Variants in CMC1 observed in about 807,000 individuals in gnomAD.
The protein encoded by CMC1 is C-X9-C motif containing 1, also known as COX assembly mitochondrial protein homolog.
Under a neutral mutation model 14.1 loss-of-function variants are expected in CMC1, and 14 were observed. The ratio of observed to expected loss-of-function variants is 0.99; its 90% CI spans 0.66 to 1.55. CMC1 has a LOEUF of 1.55. CMC1 is among the 40% of genes most tolerant of loss of function. The pLI, the probability that CMC1 is intolerant of heterozygous loss-of-function variation, is 0.00. For synonymous variants in CMC1, 50 were observed against 38.4 expected, an observed-to-expected ratio of 1.30 and a Z score of -1.12; for missense variants, 127 against 123.8, an observed-to-expected ratio of 1.03 and a Z score of -0.12.
chr3:28,293,734 A>C (rs1368786956), intron 2 of CMC1, among the ~76,000 whole-genome samples: 1 of 152,030 alleles, frequency 6.6e-6, no homozygotes, highest in Non-Finnish European at 1.5e-5. Context: ...GATATCCACC[A>C]CCATGCCTGG....
intron 2 of CMC1, among the ~76,000 whole-genome samples, chr3:28,310,496 A>G (rs2125599186): frequency 6.6e-6 from 1 of 152,360 alleles, no homozygotes; most frequent in African/African-American, 2.4e-5. Context: ...AGTGTCTATT[A>G]TAAACACAAT....
In CMC1 at chr3:28,319,498, C is replaced by T; in HGVS notation, c.201-11C>T. On this transcript the variant is annotated splice_polypyrimidine_tract_variant and intron_variant, in intron 3 of 3. Transcript: ENST00000466830. ...TATTTACTTGAAAATATTTTCATTT[C>T]CTTCTCATAGCTATAATGATCCAGC... The T allele has an allele frequency of 6.3e-7, 1 of 1,581,180 alleles. No homozygotes were observed. Among genetic ancestry groups the T allele is most frequent in the Non-Finnish European group, 8.6e-7 (1 of 1,159,750 alleles).
intron 1 of CMC1, among the ~76,000 whole-genome samples, chr3:28,244,786 G>A (rs1157445309): frequency 6.6e-5 from 10 of 151,998 alleles, no homozygotes; most frequent in African/African-American, 2.4e-4. Flanking sequence ...CAGCTGGGTG[G>A]AAGGTCATGG....
Position 28,319,511 on chromosome 3 carries a change from A to G in CMC1, c.203A>G (p.Tyr68Cys), listed in dbSNP as rs919449323. The change falls in exon 4 of 4, where the codon TAT (tyrosine) becomes TGT (cysteine). Residue 68 changes from tyrosine (Y) to cysteine (C), a missense_variant and splice_region_variant. Transcript: ENST00000466830. ...ATATTTTCATTTCCTTCTCATAGCT[A>G]TAATGATCCAGCCTTTTATGAAGAA... ...SALKECLTAY[Y>C]NDPAFYEECK... 1 of 1,596,068 alleles carries G rather than the reference A, an allele frequency of 6.3e-7. No homozygotes were observed. The highest frequency in any genetic ancestry group is 8.6e-7 in the Non-Finnish European group (1 of 1,168,734).
chr3:28,266,957 C>A (rs1298302242), intron 2 of CMC1, among the ~76,000 whole-genome samples: 1 of 152,110 alleles, frequency 6.6e-6, no homozygotes, highest in Non-Finnish European at 1.5e-5. Context: ...ATGGCCAAAT[C>A]GCTTTCTTAC....
intron 2 of CMC1, chr3:28,291,762 A>G (rs943725296): frequency 9.9e-5 from 15 of 151,922 alleles, no homozygotes; most frequent in Admixed American, 7.2e-4. Context: ...GTGTTCTTTT[A>G]TGTACTTTCC....
intron 1 of CMC1, among the ~76,000 whole-genome samples, chr3:28,252,793 G>T (rs1369777168): frequency 2.6e-5 from 4 of 152,130 alleles, no homozygotes; most frequent in Non-Finnish European, 4.4e-5. Context: ...AGAAGCTTGG[G>T]TCATTTCACC....
At chr3:28,314,802 TTTGG>T (rs1223976832) in intron 2 of CMC1, among the ~76,000 whole-genome samples, 2 of 152,184 alleles carry the variant, frequency 1.3e-5, no homozygotes, top group Non-Finnish European at 2.9e-5. Context: ...AAATCTCATT[TTTGG>T]TTGCTTGTGG....
chr3:28,301,512 C>T (rs1030122051), intron 2 of CMC1, among the ~76,000 whole-genome samples: 1 of 152,158 alleles, frequency 6.6e-6, no homozygotes, highest in Admixed American at 6.5e-5. Flanking sequence ...TGAGCCACTG[C>T]ACTCGGCTTA....
intron 1 of CMC1, among the ~76,000 whole-genome samples, chr3:28,256,443 A>G (rs1246411324): frequency 1.3e-5 from 2 of 152,108 alleles, no homozygotes; most frequent in African/African-American, 4.8e-5. Context: ...ATCTTTGATA[A>G]TCTTCTTTAT....
At chr3:28,246,169 C>T (rs182384857) in intron 1 of CMC1, among the ~76,000 whole-genome samples, 8 of 151,222 alleles carry the variant, frequency 5.3e-5, no homozygotes, top group Admixed American at 3.9e-4. Flanking sequence ...ACATAAATTA[C>T]GTTGGTGGCT....
intron 3 of CMC1, chr3:28,318,306 A>T (rs1703035895): frequency 6.6e-6 from 1 of 151,760 alleles, no homozygotes; most frequent in Non-Finnish European, 1.5e-5. Flanking sequence ...TGATGGGCTG[A>T]TGGTAGACAA....
At chr3:28,241,929 C>T in intron 1 of CMC1, 117 bp downstream of exon 1, 2 of 1,048,800 alleles carry the variant, frequency 1.9e-6, no homozygotes, top group Non-Finnish European at 2.4e-6. Context: ...GCATTGCTTC[C>T]ACCAGCGTCT....
intron 2 of CMC1, among the ~76,000 whole-genome samples, chr3:28,299,229 G>GA (rs1701898142): frequency 6.6e-6 from 1 of 152,056 alleles, no homozygotes; most frequent in South Asian, 2.1e-4. Context: ...GAGTAGAATA[G>GA]AAAATCTACT....
chr3:28,253,606 A>T, intron 1 of CMC1: 4 of 435,202 alleles, frequency 9.2e-6, no homozygotes, highest in African/African-American at 2.1e-5. Context: ...AAACCAAAAA[A>T]CCCCCCAAAA....
Position 28,300,710 on chromosome 3 carries a change from C to CTTTCCCT in CMC1, c.110-15623_110-15622insTTTCCCT, listed in dbSNP as rs1559436596. On this transcript the variant is annotated intron_variant, in intron 2 of 3. Coordinates refer to ENST00000466830, the MANE Select transcript of CMC1 (RefSeq NM_182523.2). Reference sequence around the variant, plus strand: ...TTCCCTCCCTTTCCCTCCCTCTCACCCTCCCTCCTTCCTCCCTCTCTCCCT... The same window carrying CTTTCCCT: ...TTCCCTCCCTTTCCCTCCCTCTCACCTTTCCCTCTCCCTCCTTCCTCCCTCTCTCCCT... Among the ~76,000 whole-genome samples, 115 of 49,728 alleles carry CTTTCCCT rather than the reference C, an allele frequency of 2.3e-3. 3 individuals carry two copies. Among genetic ancestry groups the CTTTCCCT allele is most frequent in the African/African-American group, 8.6e-3 (110 of 12,792 alleles). 32.6% of individuals were successfully genotyped at this position (49,728 alleles called of 152,430 possible).
chr3:28,254,117 G>A (rs1699272047), intron 1 of CMC1, among the ~76,000 whole-genome samples: 1 of 152,152 alleles, frequency 6.6e-6, no homozygotes, highest in Non-Finnish European at 1.5e-5. Flanking sequence ...TTCCCTGATG[G>A]TGTTATCCTG....
chr3:28,316,331 A>G lies in CMC1; in HGVS notation c.110-2A>G, dbSNP rs891212704. 2 of 1,529,184 alleles carry G rather than the reference A, an allele frequency of 1.3e-6. No homozygotes were observed. Among genetic ancestry groups the G allele is most frequent in the East Asian group, 4.6e-5 (2 of 43,130 alleles). 94.7% of individuals were successfully genotyped at this position (1,529,184 alleles called of 1,614,324 possible). Reference sequence around the variant, plus strand: ...AATTTTTTCCTTCCAAATTTATTTCAGATTTTACCAAATGTTGCAAGAACT... The same window carrying G: ...AATTTTTTCCTTCCAAATTTATTTCGGATTTTACCAAATGTTGCAAGAACT... On this transcript the variant is annotated splice_acceptor_variant, in intron 2 of 3. Coordinates refer to ENST00000466830, the MANE Select transcript of CMC1 (RefSeq NM_182523.2). LOFTEE classifies it high-confidence loss of function.
intron 2 of CMC1, among the ~76,000 whole-genome samples, chr3:28,281,060 A>G (rs1700866522): frequency 1.3e-5 from 2 of 152,192 alleles, no homozygotes; most frequent in Admixed American, 1.3e-4. Context: ...TTTACCGAAA[A>G]CATTTCCTGA....
Sources: allele counts gnomAD v4.1 joint callset (sites outside exome capture counted in the v4.1 genomes callset), GRCh38; gene constraint gnomAD v4.1.1; transcripts MANE v1.5; gene names NCBI Gene and HGNC (gene_info 2026-07-23, HGNC 2026-07-21).